Variants in ADK observed in about 807,000 individuals in gnomAD.
ADK encodes N6,N6-dimethyladenosine kinase.
ADK carries 24 observed loss-of-function variants against 44.7 expected under a neutral mutation model. That is an observed-to-expected ratio of 0.54 (90% CI 0.39 to 0.76). The LOEUF (loss-of-function observed/expected upper bound fraction) is 0.76. Among genes scored for constraint, ADK ranks in the 30% least tolerant of loss-of-function variants. The pLI is 0.00. For synonymous variants in ADK, 128 were observed against 142.6 expected (o/e 0.90, Z 0.73); for missense variants, 321 against 425.1 (o/e 0.76, Z 2.15).
At chr10:74,596,154 A>C (rs1295089424) in intron 8 of ADK, among the ~76,000 whole-genome samples, 1 of 152,108 alleles carries the variant, frequency 6.6e-6, no homozygotes, top group East Asian at 1.9e-4. Flanking sequence ...TTTGTGATAA[A>C]AAAAAACAAC....
chr10:74,249,201 G>A (rs1204337905), intron 3 of ADK, among the ~76,000 whole-genome samples: 2 of 152,078 alleles, frequency 1.3e-5, no homozygotes, highest in Admixed American at 6.6e-5. Context: ...GTATTTAGTG[G>A]GAGGAAGGCT....
intron 4 of ADK, among the ~76,000 whole-genome samples, chr10:74,389,325 A>G (rs1843259935): frequency 6.6e-6 from 1 of 152,138 alleles, no homozygotes; most frequent in South Asian, 2.1e-4. Flanking sequence ...CATCATTTTT[A>G]TCTTTTTATT....
chr10:74,165,517 G>A (rs1207177262), intron 1 of ADK, among the ~76,000 whole-genome samples: 2 of 150,360 alleles, frequency 1.3e-5, no homozygotes, highest in Non-Finnish European at 3.0e-5. Context: ...TAACATATTT[G>A]AAGAAAATGT....
rs71475283 is a variant in ADK at position 74,416,033 on chromosome 10, TACACACACAC to T, written c.555+17478_555+17487del. Among the ~76,000 whole-genome samples, 428 of 145,406 alleles carry T rather than the reference TACACACACAC, an allele frequency of 2.9e-3. 1 individual carries two copies. The highest frequency in any genetic ancestry group is 7.2e-3 in the Middle Eastern group (2 of 278). On this transcript the variant is annotated intron_variant, in intron 6 of 10. Coordinates refer to ENST00000539909, the MANE Select transcript of ADK (RefSeq NM_006721.4). ...TTATATATACACACACATACATATA[TACACACACAC>T]ACACACACACACACACACACACATA...
At chr10:74,506,274 C>T in intron 6 of ADK, 1 of 209,194 alleles carries the variant, frequency 4.8e-6, no homozygotes, top group Non-Finnish European at 9.5e-6. Flanking sequence ...GGTCCTTACA[C>T]TGGATTCATC....
chr10:74,295,882 T>C (rs1839793133), intron 3 of ADK, among the ~76,000 whole-genome samples: 1 of 152,134 alleles, frequency 6.6e-6, no homozygotes, highest in Non-Finnish European at 1.5e-5. Flanking sequence ...TAGCATAACC[T>C]TTTCCCTACA....
At chr10:74,226,821 A>G (rs1377672719) in intron 3 of ADK, among the ~76,000 whole-genome samples, 1 of 152,008 alleles carries the variant, frequency 6.6e-6, no homozygotes, top group Non-Finnish European at 1.5e-5. Flanking sequence ...TATTTGTTCT[A>G]TTATTGCTAA....
intron 3 of ADK, among the ~76,000 whole-genome samples, chr10:74,302,884 C>T (rs1840108626): frequency 6.6e-6 from 1 of 151,674 alleles, no homozygotes. Context: ...ATAATTTCTT[C>T]AAATTCATAA....
chr10:74,298,106 T>A (rs1404617202), intron 3 of ADK, among the ~76,000 whole-genome samples: 1 of 152,234 alleles, frequency 6.6e-6, no homozygotes, highest in Non-Finnish European at 1.5e-5. Context: ...TTAGGTTTAT[T>A]ATGCCCTTCT....
In ADK at chr10:74,309,977, C is replaced by A. The variant is rs553542085; in HGVS notation, c.195-4690C>A. Among the ~76,000 whole-genome samples the A allele has an allele frequency of 3.3e-5, 5 of 151,952 alleles. No individual in the cohort carries two copies. In the East Asian group the frequency reaches 7.7e-4, roughly 23 times the overall value. On this transcript the variant is annotated intron_variant, in intron 3 of 10. Coordinates refer to ENST00000539909, the MANE Select transcript of ADK (RefSeq NM_006721.4). ...ATTTGTTTAATATTACTATATTCAT[C>A]TTTGTTGTAATTTTTTCCTGTAATA...
intron 7 of ADK, among the ~76,000 whole-genome samples, chr10:74,549,556 C>T (rs939539498): frequency 3.9e-5 from 6 of 152,144 alleles, no homozygotes; most frequent in African/African-American, 1.4e-4. Flanking sequence ...CCACCTTAAC[C>T]TCCTGAGTGG....
chr10:74,579,233 TAA>T (rs10719538), intron 7 of ADK, among the ~76,000 whole-genome samples: 52 of 141,400 alleles, frequency 3.7e-4, no homozygotes, highest in East Asian at 6.0e-4. Context: ...GACCCTGTCT[TAA>T]AAAAAAAAAA....
At chr10:74,565,535 C>G (rs1003770229) in intron 7 of ADK, among the ~76,000 whole-genome samples, 17 of 151,778 alleles carry the variant, frequency 1.1e-4, no homozygotes, top group Admixed American at 1.1e-3. Flanking sequence ...CGACACCATC[C>G]TGACCAACAT....
At chr10:74,409,816 A>C (rs1300521185) in intron 6 of ADK, among the ~76,000 whole-genome samples, 3 of 152,230 alleles carry the variant, frequency 2.0e-5, no homozygotes, top group Non-Finnish European at 4.4e-5. Context: ...ACAAAGAAAC[A>C]GAAGTATATG....
rs1842687328 is a variant in ADK, at chr10:74,372,351, G to A, written c.274-21790G>A. On this transcript the variant is annotated intron_variant, in intron 4 of 10. Transcript: ENST00000539909. ...CTGGAGTGCTGAGCCTGCCACGGAAGGCTGGTCCACAGCTCCCAATGCTCA... is the reference window on the plus strand; with the variant it reads ...CTGGAGTGCTGAGCCTGCCACGGAAAGCTGGTCCACAGCTCCCAATGCTCA... The A allele has an allele frequency of 5.4e-6, 4 of 745,354 alleles. No individual in the cohort carries two copies. The Admixed American group carries it at 6.9e-5, about 13-fold the overall frequency. 46.2% of individuals were successfully genotyped at this position (745,354 alleles called of 1,614,324 possible).
At chr10:74,233,254 C>T (rs1030949922) in intron 3 of ADK, among the ~76,000 whole-genome samples, 5 of 152,102 alleles carry the variant, frequency 3.3e-5, no homozygotes, top group Admixed American at 6.5e-5. Context: ...AGAGAAAAAT[C>T]GCTAAACTGC....
At chr10:74,206,429 G>C (rs544660872) in intron 2 of ADK, among the ~76,000 whole-genome samples, 83 of 152,306 alleles carry the variant, frequency 5.4e-4, no homozygotes, top group African/African-American at 1.7e-3. Context: ...TAGTCTTTTA[G>C]AGTCACAGCT....
intron 1 of ADK, among the ~76,000 whole-genome samples, chr10:74,167,478 G>A (rs1842062323): frequency 6.6e-6 from 1 of 152,182 alleles, no homozygotes; most frequent in Non-Finnish European, 1.5e-5. Context: ...GCTGACAACA[G>A]GTCTGGTCTG....
intron 6 of ADK, among the ~76,000 whole-genome samples, chr10:74,405,645 T>C (rs963038771): frequency 1.3e-5 from 2 of 151,906 alleles, no homozygotes; most frequent in Admixed American, 1.3e-4. Flanking sequence ...ATACGTCTTA[T>C]GAGAATCTAA....
Sources: allele counts gnomAD v4.1 joint callset (sites outside exome capture counted in the v4.1 genomes callset), GRCh38; gene constraint gnomAD v4.1.1; transcripts MANE v1.5; gene names NCBI Gene and HGNC (gene_info 2026-07-23, HGNC 2026-07-21).